The following SCN11A variants were observed in gnomAD, a reference collection of about 807,000 sequenced individuals.
SCN11A encodes sodium voltage-gated channel alpha subunit 11.
A neutral mutation model predicts 162.2 loss-of-function variants in SCN11A; 122 were observed. That is an observed-to-expected ratio of 0.75 (90% CI 0.65 to 0.87). The LOEUF is 0.87. Among genes scored for constraint, SCN11A ranks in the 40% least tolerant of loss-of-function variants. The pLI is 0.00. For synonymous variants in SCN11A, 758 were observed against 751.5 expected, an observed-to-expected ratio of 1.01 and a Z score of -0.14; for missense variants, 2,015 against 2,181.6, an observed-to-expected ratio of 0.92 and a Z score of 1.52.
At chr3:39,004,915 G>T (rs964421394) in intron 2 of SCN11A, among the ~76,000 whole-genome samples, 18 of 152,160 alleles carry the variant, frequency 1.2e-4, no homozygotes, top group African/African-American at 4.3e-4. Flanking sequence ...AGAAGGAAGG[G>T]CTTTATTCAG....
At chr3:38,852,120 A>T (rs1208538341) in intron 28 of SCN11A, among the ~76,000 whole-genome samples, 2 of 152,176 alleles carry the variant, frequency 1.3e-5, no homozygotes, top group Admixed American at 1.3e-4. Context: ...ATTAATACTG[A>T]TATGAATTAA....
At position 38,910,106 on chromosome 3, in the gene SCN11A, C is replaced by T. The variant is rs1380372157; in HGVS notation, c.1061G>A (p.Arg354Gln). 8.7e-6 allele frequency: 14 copies of T among 1,613,532 alleles called. No homozygotes were observed. The highest frequency in any genetic ancestry group is 9.3e-6 in the Non-Finnish European group (11 of 1,179,848). Residue 354 changes from arginine (R) to glutamine (Q), a missense_variant, in exon 12 of 30, where the codon CGG (arginine) becomes CAG (glutamine). Coordinates refer to ENST00000302328, the MANE Select transcript of SCN11A (RefSeq NM_001349253.2). ...CTCCCAGGAATCTTGGGTCATCAGC[C>T]GGAACATGGCAAGAAAAGACCAGCC... Reference protein sequence around the residue: ...NFGWSFLAMFRLMTQDSWEKL... With the variant: ...NFGWSFLAMFQLMTQDSWEKL...
At position 38,950,081 on chromosome 3, in the gene SCN11A, C is replaced by CCCCCCCA; in HGVS notation, c.267+14_267+15insTGGGGGG. The CCCCCCCA allele has an allele frequency of 4.7e-6, 1 of 214,666 alleles. No individual in the cohort carries two copies. The highest frequency in any genetic ancestry group is 1.0e-5 in the Non-Finnish European group (1 of 99,690). The allele number at this position is 214,666 out of a possible 1,614,324, so 13.3% of individuals were successfully genotyped here. A position where few individuals can be genotyped will look rare whatever the true frequency, so the allele number is the denominator to read the frequency against. On this transcript the variant is annotated intron_variant, in intron 5 of 29. Coordinates refer to ENST00000302328, the MANE Select transcript of SCN11A (RefSeq NM_001349253.2). ...CACCCCCACCCCCACCCCCCCCCCC[C>CCCCCCCA]GCCCAATGAAGTACCTTATGATTTC...
intron 1 of SCN11A, among the ~76,000 whole-genome samples, chr3:39,033,782 GT>G (rs1266160063): frequency 6.6e-6 from 1 of 152,138 alleles, no homozygotes. Flanking sequence ...AAACTCAAGA[GT>G]TTTTTTCTTG....
In SCN11A at chr3:38,904,046, T is replaced by G; in HGVS notation, c.1661A>C (p.Tyr554Ser). ...LPCGENLASK[Y>S]LVWNCCPQWL... is the part of the protein sequence containing the mutation. Reference sequence around the variant, plus strand: ...CTGGGGGCAACAGTTCCACACGAGGTACTTGGATGCCAGGTTTTCTCCACA... The same window carrying G: ...CTGGGGGCAACAGTTCCACACGAGGGACTTGGATGCCAGGTTTTCTCCACA... The change falls in exon 16 of 30, where the codon TAC becomes TCC. Residue 554 changes from tyrosine to serine, a missense_variant. Transcript: ENST00000302328. The G allele has an allele frequency of 6.2e-7, 1 of 1,603,330 alleles. No homozygotes were observed. Among genetic ancestry groups the G allele is most frequent in the South Asian group, 1.1e-5 (1 of 88,330 alleles).
chr3:38,943,711 G>A (rs1358901389), intron 7 of SCN11A, among the ~76,000 whole-genome samples: 1 of 152,142 alleles, frequency 6.6e-6, no homozygotes, highest in Non-Finnish European at 1.5e-5. Context: ...AACATTAAAA[G>A]AGTCTAAATC....
chr3:39,036,790 A>G (rs1208824079), intron 1 of SCN11A, among the ~76,000 whole-genome samples: 3 of 152,158 alleles, frequency 2.0e-5, no homozygotes, highest in African/African-American at 7.2e-5. Flanking sequence ...ATATTATCTC[A>G]CCCCAGTTAA....
chr3:39,007,970 T>G (rs1249150218), intron 2 of SCN11A, among the ~76,000 whole-genome samples: 4 of 152,196 alleles, frequency 2.6e-5, no homozygotes, highest in African/African-American at 9.6e-5. Flanking sequence ...GGGGTCTGCA[T>G]TAACTCTGGA....
chr3:39,033,152 T>TG (rs1444325562), intron 1 of SCN11A, among the ~76,000 whole-genome samples: 3 of 143,368 alleles, frequency 2.1e-5, no homozygotes, highest in Non-Finnish European at 4.6e-5. Context: ...GGTTGCATCT[T>TG]GAAAAAAAAA....
At chr3:39,002,519 G>T (rs1371726207) in intron 2 of SCN11A, among the ~76,000 whole-genome samples, 1 of 152,178 alleles carries the variant, frequency 6.6e-6, no homozygotes, top group Non-Finnish European at 1.5e-5. Flanking sequence ...TGTAACTGAA[G>T]GTTCAAAACC....
chr3:38,883,490 C>A, intron 21 of SCN11A, 103 bp from the exon 22 acceptor site: 1 of 1,029,894 alleles, frequency 9.7e-7, no homozygotes, highest in South Asian at 1.6e-5. Context: ...GCCATGCGAC[C>A]TGCAGTTGCT....
At chr3:38,912,903 A>C (rs572866563) in intron 11 of SCN11A, among the ~76,000 whole-genome samples, 34 of 152,232 alleles carry the variant, frequency 2.2e-4, no homozygotes, top group Non-Finnish European at 4.0e-4. Context: ...GGTTGCTTCC[A>C]TGTCTTTGCT....
At chr3:38,909,816 C>G (rs1273330159) in intron 12 of SCN11A, among the ~76,000 whole-genome samples, 2 of 152,050 alleles carry the variant, frequency 1.3e-5, no homozygotes, top group Non-Finnish European at 2.9e-5. Flanking sequence ...CTCCTGACCT[C>G]AAGCCTCAGC....
chr3:39,047,859 G>A (rs1431177167), intron 1 of SCN11A, among the ~76,000 whole-genome samples: 4 of 152,020 alleles, frequency 2.6e-5, no homozygotes. Flanking sequence ...ATCGCTATAC[G>A]AAAAAGACAA....
At chr3:38,977,060 T>C (rs2066854036) in intron 2 of SCN11A, among the ~76,000 whole-genome samples, 1 of 152,192 alleles carries the variant, frequency 6.6e-6, no homozygotes, top group South Asian at 2.1e-4. Flanking sequence ...CAAAAGCCTC[T>C]CTGCAAATCC....
chr3:38,848,081 T>C (rs949533060), intron 29 of SCN11A, among the ~76,000 whole-genome samples: 6 of 152,188 alleles, frequency 3.9e-5, no homozygotes, highest in African/African-American at 1.4e-4. Flanking sequence ...ACCTTTAGGC[T>C]GAAGCTGCCC....
At chr3:38,937,524 A>G (rs2066355566) in intron 7 of SCN11A, among the ~76,000 whole-genome samples, 2 of 151,796 alleles carry the variant, frequency 1.3e-5, no homozygotes, top group Admixed American at 1.3e-4. Flanking sequence ...ACAAATTTAT[A>G]AGAAAAAAAC....
chr3:39,023,692 G>A (rs1234458284), intron 2 of SCN11A, among the ~76,000 whole-genome samples: 1 of 151,542 alleles, frequency 6.6e-6, no homozygotes, highest in Non-Finnish European at 1.5e-5. Flanking sequence ...ACCCAGGCTG[G>A]AGTGCAGTGG....
chr3:39,029,500 A>G (rs1354215229), intron 2 of SCN11A, among the ~76,000 whole-genome samples: 1 of 152,214 alleles, frequency 6.6e-6, no homozygotes, highest in Non-Finnish European at 1.5e-5. Context: ...TGTGTGTTCC[A>G]AACAGATTTT....
Sources: allele counts gnomAD v4.1 joint callset (sites outside exome capture counted in the v4.1 genomes callset), GRCh38; gene constraint gnomAD v4.1.1; transcripts MANE v1.5; gene names NCBI Gene and HGNC (gene_info 2026-07-23, HGNC 2026-07-21).